The following MYO3B variants were observed in gnomAD, a reference collection of about 807,000 sequenced individuals.
MYO3B encodes the protein myosin IIIB.
MYO3B carries 156 observed loss-of-function variants against 174.6 expected under a neutral mutation model. The observed-to-expected ratio is 0.89, with a 90% CI of 0.78 to 1.02. The LOEUF (loss-of-function observed/expected upper bound fraction) is 1.02. Among genes scored for constraint, MYO3B ranks in the 50% least tolerant of loss-of-function variants. The pLI, the probability that MYO3B is intolerant of heterozygous loss-of-function variation, is 0.00. For synonymous variants in MYO3B, 563 were observed against 569.1 expected, an observed-to-expected ratio of 0.99 and a Z score of 0.15; for missense variants, 1,632 against 1,639.4, an observed-to-expected ratio of 1.00 and a Z score of 0.08.
intron 29 of MYO3B, among the ~76,000 whole-genome samples, chr2:170,516,208 C>T (rs1170741099): frequency 6.6e-6 from 1 of 152,162 alleles, no homozygotes; most frequent in Non-Finnish European, 1.5e-5. Context: ...ATTCCCCATC[C>T]TCTTTGCCTG....
chr2:170,535,516 C>G (rs1180995014), intron 30 of MYO3B, among the ~76,000 whole-genome samples: 1 of 152,134 alleles, frequency 6.6e-6, no homozygotes. Flanking sequence ...CATTAAGATC[C>G]TTAATAGAAT....
chr2:170,523,694 C>G (rs913280948), intron 30 of MYO3B, among the ~76,000 whole-genome samples: 3 of 152,206 alleles, frequency 2.0e-5, no homozygotes, highest in African/African-American at 7.2e-5. Context: ...AGTCATGCCC[C>G]CACTTATGGC....
At chr2:170,299,093 T>C (rs1262556231) in intron 7 of MYO3B, among the ~76,000 whole-genome samples, 1 of 152,214 alleles carries the variant, frequency 6.6e-6, no homozygotes, top group Non-Finnish European at 1.5e-5. Flanking sequence ...TGTATGCCTA[T>C]CTTTAAGTGA....
intron 32 of MYO3B, among the ~76,000 whole-genome samples, chr2:170,580,713 T>TAC (rs1491209094): frequency 1.4e-4 from 8 of 56,236 alleles, no homozygotes; most frequent in African/African-American, 5.1e-4. Flanking sequence ...CACAAAACCT[T>TAC]ATATATGTGT....
chr2:170,551,737 T>G (rs1010236088), intron 32 of MYO3B, among the ~76,000 whole-genome samples: 2 of 152,130 alleles, frequency 1.3e-5, no homozygotes, highest in Admixed American at 6.5e-5. Context: ...CTTAAGTGAC[T>G]GATATGGTTT....
intron 9 of MYO3B, among the ~76,000 whole-genome samples, chr2:170,371,309 C>T (rs2094243260): frequency 6.7e-6 from 1 of 148,780 alleles, no homozygotes; most frequent in Admixed American, 6.7e-5. Flanking sequence ...TCTCTAATTT[C>T]TCTTTATCTT....
chr2:170,586,670 T>A lies in MYO3B; in HGVS notation c.3733+42682T>A, dbSNP rs562991533. Reference sequence around the variant, plus strand: ...GAAAAGTTCTTAATTTAAAAGTGGATCTGCCCCTGGAATAAAGGTCACATG... The same window carrying A: ...GAAAAGTTCTTAATTTAAAAGTGGAACTGCCCCTGGAATAAAGGTCACATG... On this transcript the variant is annotated intron_variant, in intron 32 of 34. Coordinates refer to ENST00000408978, the MANE Select transcript of MYO3B (RefSeq NM_138995.5). 2.0e-5 allele frequency among the ~76,000 whole-genome samples: 3 copies of A among 152,354 alleles called. No individual in the cohort carries two copies. The South Asian group carries it at 6.2e-4, about 32-fold the overall frequency.
chr2:170,400,402 C>CTT (rs10676575), intron 17 of MYO3B, 88 bp downstream of exon 17: 63,057 of 984,920 alleles, frequency 0.064, 836 homozygotes, highest in African/African-American at 0.12. Flanking sequence ...TTTGCTGGTC[C>CTT]TTTTTTTTTT....
chr2:170,476,538 T>C (rs1226752386), intron 25 of MYO3B, among the ~76,000 whole-genome samples: 1 of 152,086 alleles, frequency 6.6e-6, no homozygotes, highest in East Asian at 1.9e-4. Flanking sequence ...CTCTGGAGTT[T>C]GGCTGTCCAG....
chr2:170,314,030 G>A (rs1020204919), intron 7 of MYO3B, among the ~76,000 whole-genome samples: 2 of 152,160 alleles, frequency 1.3e-5, no homozygotes, highest in South Asian at 2.1e-4. Flanking sequence ...AGTAAGAGGG[G>A]GAAAGAAGGG....
intron 32 of MYO3B, chr2:170,601,929 C>T (rs1307884167): frequency 2.6e-5 from 22 of 831,008 alleles, no homozygotes; most frequent in Non-Finnish European, 3.4e-5. Context: ...GCAAAAAGGC[C>T]GAAGGAGGCC....
intron 23 of MYO3B, among the ~76,000 whole-genome samples, chr2:170,455,542 A>C (rs1683858539): frequency 6.6e-6 from 1 of 152,232 alleles, no homozygotes; most frequent in Non-Finnish European, 1.5e-5. Context: ...GAATGGGAAG[A>C]ATAATATTAT....
At chr2:170,403,193 G>C (rs896506495) in intron 19 of MYO3B, among the ~76,000 whole-genome samples, 198 bp downstream of exon 19, 2 of 152,196 alleles carry the variant, frequency 1.3e-5, no homozygotes, top group Admixed American at 1.3e-4. Context: ...TTCCTCACTT[G>C]AGTGGAGCTG....
intron 2 of MYO3B, 46 bp downstream of exon 2, chr2:170,199,437 A>G (rs747530846): frequency 1.1e-4 from 149 of 1,358,628 alleles, no homozygotes; most frequent in Non-Finnish European, 1.4e-4. Flanking sequence ...TGTTTTATGC[A>G]CACTGAGTTT....
At chr2:170,366,841 C>T (rs952217350) in intron 8 of MYO3B, among the ~76,000 whole-genome samples, 6 of 152,150 alleles carry the variant, frequency 3.9e-5, no homozygotes, top group African/African-American at 1.2e-4. Context: ...ACAAGCTATA[C>T]CACCTTTAAT....
At chr2:170,295,062 CT>C (rs2093620907) in intron 7 of MYO3B, among the ~76,000 whole-genome samples, 1 of 151,506 alleles carries the variant, frequency 6.6e-6, no homozygotes, top group East Asian at 1.9e-4. Flanking sequence ...GAATGGTTAC[CT>C]TTGTCATTAT....
At chr2:170,525,683 A>G (rs1205316995) in intron 30 of MYO3B, among the ~76,000 whole-genome samples, 1 of 152,172 alleles carries the variant, frequency 6.6e-6, no homozygotes, top group African/African-American at 2.4e-5. Context: ...CACAAGGGGA[A>G]AACAAGTGCA....
intron 7 of MYO3B, among the ~76,000 whole-genome samples, chr2:170,270,333 T>C (rs773095012): frequency 2.3e-4 from 35 of 152,182 alleles, no homozygotes; most frequent in Non-Finnish European, 4.6e-4. Flanking sequence ...AGAAAAATAG[T>C]ACTAGAGTTT....
chr2:170,391,571 C>T lies in MYO3B; in HGVS notation c.1629C>T (p.His543=). The T allele has an allele frequency of 6.3e-7, 1 of 1,583,050 alleles. No homozygotes were observed. The highest frequency in any genetic ancestry group is 8.6e-7 in the Non-Finnish European group (1 of 1,168,814). Residue 543 remains histidine (H), a synonymous_variant, in exon 15 of 35, where the codon CAC becomes CAT. Coordinates refer to ENST00000408978, the MANE Select transcript of MYO3B (RefSeq NM_138995.5). ...ACTATATTTATGCTGGTCTTCATCA[C>T]CAAAAGAAGCTTTCTGATTTCAGAC... ...IFYYIYAGLH[H]QKKLSDFRLP...
Sources: allele counts gnomAD v4.1 joint callset (sites outside exome capture counted in the v4.1 genomes callset), GRCh38; gene constraint gnomAD v4.1.1; transcripts MANE v1.5; gene names NCBI Gene and HGNC (gene_info 2026-07-23, HGNC 2026-07-21).